The following TTC12 variants were observed in gnomAD, a reference collection of about 807,000 sequenced individuals.
TTC12 encodes tetratricopeptide repeat protein 12.
TTC12 carries 70 observed loss-of-function variants against 90.1 expected under a neutral mutation model. That is an observed-to-expected ratio of 0.78 (90% CI 0.64 to 0.95). TTC12 has a LOEUF of 0.95. Ranked by LOEUF, TTC12 falls within the 40% of genes least tolerant of loss-of-function variation. TTC12 has a pLI of 0.00. For synonymous variants in TTC12, 296 were observed against 311.5 expected, an observed-to-expected ratio of 0.95 and a Z score of 0.53; for missense variants, 819 against 846.1, an observed-to-expected ratio of 0.97 and a Z score of 0.40.
chr11:113,349,315 A>T (rs1380204378), intron 13 of TTC12, among the ~76,000 whole-genome samples: 2 of 152,214 alleles, frequency 1.3e-5, no homozygotes, highest in African/African-American at 4.8e-5. Context: ...TCACTGTAGG[A>T]GACCAGGAGC....
intron 2 of TTC12, among the ~76,000 whole-genome samples, chr11:113,322,425 G>C (rs1434772433): frequency 2.0e-5 from 3 of 152,122 alleles, no homozygotes; most frequent in African/African-American, 7.2e-5. Flanking sequence ...ACCTTTTCCT[G>C]GTAGTAAGGA....
At chr11:113,318,579 C>T (rs573582425) in intron 2 of TTC12, among the ~76,000 whole-genome samples, 2 of 152,002 alleles carry the variant, frequency 1.3e-5, no homozygotes, top group Non-Finnish European at 2.9e-5. Flanking sequence ...ACAGTCATAC[C>T]AGGAGTTATA....
downstream of TTC12, among the ~76,000 whole-genome samples, chr11:113,367,277 A>G (rs1490501168): frequency 6.6e-6 from 1 of 152,182 alleles, no homozygotes; most frequent in Non-Finnish European, 1.5e-5. Flanking sequence ...GTACCCTGCT[A>G]CCTGCCCTGC....
intron 2 of TTC12, among the ~76,000 whole-genome samples, chr11:113,321,024 A>G (rs1206796872): frequency 2.6e-5 from 4 of 152,178 alleles, no homozygotes; most frequent in Non-Finnish European, 5.9e-5. Context: ...AAAAAAAAGA[A>G]TTTTTTAAAA....
In TTC12 at chr11:113,366,310, G is replaced by A; in HGVS notation, c.*10G>A. On this transcript the variant is annotated 3_prime_UTR_variant, in exon 22 of 22. Transcript: ENST00000529221. ...CATCAGTGATTCTTGAGAGAGACAG[G>A]GTTTGTGTGCATTTGGGGAACACAC... The A allele has an allele frequency of 6.2e-7, 1 of 1,613,232 alleles. No individual in the cohort carries two copies.
At chr11:113,321,553 A>C (rs1337363919) in intron 2 of TTC12, among the ~76,000 whole-genome samples, 3 of 152,268 alleles carry the variant, frequency 2.0e-5, no homozygotes, top group Non-Finnish European at 4.4e-5. Flanking sequence ...CATTTTATAC[A>C]ACTATTTTAA....
At chr11:113,351,216 C>T in intron 14 of TTC12, 23 bp from the exon 15 acceptor site, 1 of 1,611,416 alleles carries the variant, frequency 6.2e-7, no homozygotes, top group Non-Finnish European at 8.5e-7. Flanking sequence ...AAAAATAAAT[C>T]CTGGCTGATG....
chr11:113,323,121 AC>A (rs34373681), intron 2 of TTC12, among the ~76,000 whole-genome samples, 166 bp from the exon 3 acceptor site: 1 of 150,558 alleles, frequency 6.6e-6, no homozygotes, highest in African/African-American at 2.4e-5. Flanking sequence ...AAAAAAAAAA[AC>A]CTGTTGTTAA....
At chr11:113,358,242 C>G (rs912422478) in intron 16 of TTC12, among the ~76,000 whole-genome samples, 8 of 152,184 alleles carry the variant, frequency 5.3e-5, no homozygotes, top group Non-Finnish European at 1.2e-4. Flanking sequence ...GGACTGCACT[C>G]CCGTGCTCTG....
At chr11:113,319,560 G>A (rs10891533) in intron 2 of TTC12, among the ~76,000 whole-genome samples, 40,814 of 151,878 alleles carry the variant, frequency 0.27, 5,776 homozygotes, top group East Asian at 0.34. Context: ...AATATTCTAT[G>A]CAGTAAATAC....
chr11:113,327,641 G>GA lies in TTC12; in HGVS notation c.444+2006dup, dbSNP rs573593343. On this transcript the variant is annotated intron_variant, in intron 6 of 21. Coordinates refer to ENST00000529221, the MANE Select transcript of TTC12 (RefSeq NM_017868.4). ...TTTAATCCAAGCCTTAAGAGAGAAA[G>GA]AAAAAAAAAAGTAAAAGGCTGTGTA... is the stretch of plus-strand genomic sequence containing the variant. Among the ~76,000 whole-genome samples the GA allele has an allele frequency of 1.2e-4, 17 of 146,908 alleles. No individual in the cohort carries two copies. The South Asian group carries it at 1.9e-3, about 17-fold the overall frequency.
chr11:113,319,840 AC>A, intron 2 of TTC12, among the ~76,000 whole-genome samples: 1 of 152,220 alleles, frequency 6.6e-6, no homozygotes, highest in Non-Finnish European at 1.5e-5. Context: ...ATGATGAGAC[AC>A]ATTGCTGGCA....
intron 16 of TTC12, among the ~76,000 whole-genome samples, chr11:113,355,446 A>G (rs1555152115): frequency 6.6e-6 from 1 of 151,946 alleles, no homozygotes; most frequent in African/African-American, 2.4e-5. Flanking sequence ...TTTATGTCTC[A>G]GTCTCCTTCA....
chr11:113,323,170 C>T, intron 2 of TTC12, 118 bp from the exon 3 acceptor site: 7 of 442,480 alleles, frequency 1.6e-5, no homozygotes, highest in South Asian at 1.3e-4. Flanking sequence ...ATTTTGCTTT[C>T]TATTGCTCTA....
intron 14 of TTC12, among the ~76,000 whole-genome samples, chr11:113,350,875 C>T (rs1043651713): frequency 6.6e-6 from 1 of 152,286 alleles, no homozygotes; most frequent in African/African-American, 2.4e-5. Flanking sequence ...CCAGTGGCTC[C>T]GATGGGTAAA....
In TTC12 at chr11:113,352,121, A is replaced by G. The variant is rs781864605; in HGVS notation, c.1360A>G (p.Ile454Val). Residue 454 changes from isoleucine to valine, a missense_variant, in exon 16 of 22, where the codon ATC (isoleucine) becomes GTC (valine). Transcript: ENST00000529221. ...SSSALCQCIA[I>V]MGNLSAEPTT... is the part of the protein sequence containing the mutation. ...CTCGGCTCTGTGCCAGTGCATTGCC[A>G]TCATGGGAAACCTCAGTGCTGAGCC... 3.8e-5 allele frequency: 62 copies of G among 1,614,146 alleles called. No homozygotes were observed. Among genetic ancestry groups the G allele is most frequent in the Non-Finnish European group, 5.1e-5 (60 of 1,180,048 alleles).
chr11:113,360,577 A>G (rs1949873192), intron 18 of TTC12, among the ~76,000 whole-genome samples: 1 of 152,220 alleles, frequency 6.6e-6, no homozygotes, highest in African/African-American at 2.4e-5. Flanking sequence ...ACAGTGCATC[A>G]GGAGAAGAAT....
At chr11:113,321,783 A>T (rs1555138607) in intron 2 of TTC12, among the ~76,000 whole-genome samples, 1 of 152,182 alleles carries the variant, frequency 6.6e-6, no homozygotes, top group African/African-American at 2.4e-5. Context: ...ACTCATGAGA[A>T]AGTAAGACAC....
chr11:113,358,156 G>A (rs1949722442), intron 16 of TTC12, among the ~76,000 whole-genome samples: 1 of 152,338 alleles, frequency 6.6e-6, no homozygotes. Context: ...CAAGGGGAAG[G>A]TGCTGGTAGG....
Sources: gnomAD v4.1 joint callset for allele counts (sites outside exome capture counted in the v4.1 genomes callset) on GRCh38, gnomAD v4.1.1 for gene constraint, MANE v1.5 for transcripts, NCBI Gene and HGNC (gene_info 2026-07-23, HGNC 2026-07-21) for gene names.